Variants in IFI27L1 observed in about 807,000 individuals in gnomAD.
IFI27L1 encodes interferon alpha inducible protein 27 like 1.
In IFI27L1, 3 loss-of-function variants were observed where a neutral mutation model predicts 9.2. That is an observed-to-expected ratio of 0.32 (90% confidence interval 0.15 to 0.84). The LOEUF is 0.84. Among genes scored for constraint, IFI27L1 ranks in the 40% least tolerant of loss-of-function variants. The pLI, the probability that IFI27L1 is intolerant of heterozygous loss-of-function variation, is 0.56. For missense variants in IFI27L1, 133 were observed against 134.2 expected (o/e 0.99, Z 0.05); for synonymous variants, 53 against 50.0 (o/e 1.06, Z -0.26).
chr14:94,100,258 T>C, intron 2 of IFI27L1: 2 of 985,344 alleles, frequency 2.0e-6, no homozygotes, highest in Non-Finnish European at 2.4e-6. Flanking sequence ...GGATTGAGGC[T>C]GATTTTTGCA....
intron 1 of IFI27L1, chr14:94,088,324 C>T (rs1163102519): frequency 1.3e-5 from 9 of 702,134 alleles, no homozygotes; most frequent in South Asian, 1.2e-4. Flanking sequence ...ATTTTACTGG[C>T]ATAGATGCCC....
chr14:94,095,193 C>T (rs752241991), intron 1 of IFI27L1, among the ~76,000 whole-genome samples: 3 of 152,126 alleles, frequency 2.0e-5, no homozygotes, highest in Non-Finnish European at 4.4e-5. Flanking sequence ...CATGACAGCA[C>T]TTGGCTAATT....
chr14:94,102,289 C>T (rs899456374), intron 4 of IFI27L1, among the ~76,000 whole-genome samples, 188 bp from the exon 5 acceptor site: 35 of 142,744 alleles, frequency 2.5e-4, no homozygotes, highest in Non-Finnish European at 4.5e-4. Context: ...GCCTCCTCTT[C>T]GGGCAGTGGC....
At chr14:94,086,315 G>A (rs1386814575) in intron 1 of IFI27L1, among the ~76,000 whole-genome samples, 1 of 152,198 alleles carries the variant, frequency 6.6e-6, no homozygotes, top group Non-Finnish European at 1.5e-5. Flanking sequence ...CATGCTTCTT[G>A]TAAAGCCTGT....
intron 1 of IFI27L1, among the ~76,000 whole-genome samples, chr14:94,081,653 G>A (rs1886111195): frequency 6.6e-6 from 1 of 152,114 alleles, no homozygotes; most frequent in Non-Finnish European, 1.5e-5. Flanking sequence ...GTCCATCCTA[G>A]GTACAATGCT....
intron 1 of IFI27L1, among the ~76,000 whole-genome samples, chr14:94,087,110 G>A (rs1051233164): frequency 1.3e-4 from 20 of 152,250 alleles, no homozygotes; most frequent in African/African-American, 4.3e-4. Flanking sequence ...AGATTAGAAA[G>A]CAATTAAAAG....
At chr14:94,086,125 T>C (rs1292533140) in intron 1 of IFI27L1, among the ~76,000 whole-genome samples, 5 of 152,128 alleles carry the variant, frequency 3.3e-5, no homozygotes, top group African/African-American at 1.2e-4. Context: ...ATCTGCTTCA[T>C]AATAAGTGAG....
chr14:94,096,361 A>C (rs2139271437), intron 1 of IFI27L1, among the ~76,000 whole-genome samples: 1 of 152,338 alleles, frequency 6.6e-6, no homozygotes, highest in Admixed American at 6.5e-5. Context: ...GCTATTGTGA[A>C]TAATGCTGCT....
At chr14:94,099,372 C>G (rs7493218) in intron 2 of IFI27L1, among the ~76,000 whole-genome samples, 1 of 151,472 alleles carries the variant, frequency 6.6e-6, no homozygotes, top group African/African-American at 2.4e-5. Flanking sequence ...ATTAGGACCC[C>G]GACAGAGGCA....
In IFI27L1 at chr14:94,083,101, C is replaced by T. The variant is rs143423202; in HGVS notation, c.-52+1652C>T. ...CAAAATATCAAAATTAACAAGAGTT[C>T]GGAAGAAGTTGACTCCAGTTCTCAT... On this transcript the variant is annotated intron_variant, in intron 1 of 4. Coordinates refer to ENST00000555523, the MANE Select transcript of IFI27L1 (RefSeq NM_206949.3). Among the ~76,000 whole-genome samples the T allele has an allele frequency of 1.5e-3, 226 of 152,264 alleles. 3 individuals are homozygous for T. The highest frequency in any genetic ancestry group is 5.2e-3 in the African/African-American group (216 of 41,546).
chr14:94,098,398 G>A (rs1003867197), intron 2 of IFI27L1, among the ~76,000 whole-genome samples: 27 of 152,226 alleles, frequency 1.8e-4, no homozygotes, highest in African/African-American at 6.0e-4. Flanking sequence ...AAGTATCTGT[G>A]TCTCTTCTTT....
chr14:94,098,834 A>C (rs1386748822), intron 2 of IFI27L1, among the ~76,000 whole-genome samples: 1 of 152,186 alleles, frequency 6.6e-6, no homozygotes, highest in Non-Finnish European at 1.5e-5. Flanking sequence ...GCTTTGCATT[A>C]GACCCTCCCA....
chr14:94,097,158 G>A (rs967069331), intron 2 of IFI27L1, among the ~76,000 whole-genome samples, 193 bp downstream of exon 2: 1 of 152,184 alleles, frequency 6.6e-6, no homozygotes, highest in Non-Finnish European at 1.5e-5. Flanking sequence ...GGACCATGGC[G>A]GGGCCACAGA....
chr14:94,082,953 G>A (rs1472139856), intron 1 of IFI27L1, among the ~76,000 whole-genome samples: 2 of 152,202 alleles, frequency 1.3e-5, no homozygotes, highest in East Asian at 1.9e-4. Flanking sequence ...CATTTCGTAA[G>A]GCTATGGCTG....
In IFI27L1 at chr14:94,101,994, A is replaced by G; in HGVS notation, c.223+19A>G. ...TCAGTGGGTGAGTGTTCTGGACAGG[A>G]TGACCAGAGCCAGGAGATGATCCAG... is the stretch of plus-strand genomic sequence containing the variant. On this transcript the variant is annotated intron_variant, in intron 4 of 4. Coordinates refer to ENST00000555523, the MANE Select transcript of IFI27L1 (RefSeq NM_206949.3). The G allele has an allele frequency of 6.2e-7, 1 of 1,613,776 alleles. No homozygotes were observed. The highest frequency in any genetic ancestry group is 8.5e-7 in the Non-Finnish European group (1 of 1,179,658).
At chr14:94,090,566 G>A (rs80160660) in intron 1 of IFI27L1, among the ~76,000 whole-genome samples, 10,856 of 152,208 alleles carry the variant, frequency 0.071, 462 homozygotes, top group Non-Finnish European at 0.091. Context: ...AGATACCTAC[G>A]AGTTTGGGTA....
At chr14:94,100,416 C>T (rs1394207561) in intron 2 of IFI27L1, 1 of 985,306 alleles carries the variant, frequency 1.0e-6, no homozygotes, top group Non-Finnish European at 1.2e-6. Flanking sequence ...TCAGATGTTC[C>T]TGCCAGCCCT....
chr14:94,094,668 T>C (rs1886603938), intron 1 of IFI27L1: 1 of 152,156 alleles, frequency 6.6e-6, no homozygotes, highest in African/African-American at 2.4e-5. Flanking sequence ...TAGCATATAA[T>C]CAATATAATA....
intron 1 of IFI27L1, among the ~76,000 whole-genome samples, chr14:94,092,552 A>G (rs1390783884): frequency 6.6e-6 from 1 of 152,160 alleles, no homozygotes; most frequent in African/African-American, 2.4e-5. Context: ...TTACAGACAA[A>G]TCAATCTTAA....
Sources: allele counts gnomAD v4.1 joint callset (sites outside exome capture counted in the v4.1 genomes callset), GRCh38; gene constraint gnomAD v4.1.1; transcripts MANE v1.5; gene names NCBI Gene and HGNC (gene_info 2026-07-23, HGNC 2026-07-21).